CCSER2: variants seen among roughly 807,000 people sequenced by gnomAD.
CCSER2 encodes coiled-coil serine rich protein 2.
CCSER2 carries 46 observed loss-of-function variants against 92.3 expected under a neutral mutation model. That is an observed-to-expected ratio of 0.50 (90% CI 0.39 to 0.64). CCSER2 has a LOEUF of 0.64. Among genes scored for constraint, CCSER2 ranks in the 30% least tolerant of loss-of-function variants. CCSER2 has a pLI of 0.00. For synonymous variants in CCSER2, 433 were observed against 431.4 expected (o/e 1.00, Z -0.04); for missense variants, 1,244 against 1,238.9 (o/e 1.00, Z -0.06).
At chr10:84,496,618 C>T (rs1217157246) in intron 9 of CCSER2, among the ~76,000 whole-genome samples, 1 of 152,170 alleles carries the variant, frequency 6.6e-6, no homozygotes, top group Non-Finnish European at 1.5e-5. Flanking sequence ...GGAATGGGGG[C>T]TGGGGCCACA....
chr10:84,377,944 TCTA>T (rs544970283), intron 3 of CCSER2, among the ~76,000 whole-genome samples: 7 of 152,224 alleles, frequency 4.6e-5, no homozygotes, highest in South Asian at 2.1e-4. Context: ...TGTAAATTCA[TCTA>T]CTAGTTATAA....
rs903229191 is a variant in CCSER2 at position 84,516,893 on chromosome 10, C to A, written c.*2626C>A. 2.0e-5 allele frequency: 3 copies of A among 152,120 alleles called. No homozygotes were observed. The highest frequency in any genetic ancestry group is 7.2e-5 in the African/African-American group (3 of 41,426). The allele number at this position is 152,120 out of a possible 1,614,324, so 9.4% of individuals were successfully genotyped here. On this transcript the variant is annotated 3_prime_UTR_variant, in exon 10 of 10. Coordinates refer to ENST00000372088, the MANE Select transcript of CCSER2 (RefSeq NM_001284240.2). Reference sequence around the variant, plus strand: ...AAAGAAAACAAATCTAGGATGCTTGCATGACATAAAGTATTTGCCTGCAGT... The same window carrying A: ...AAAGAAAACAAATCTAGGATGCTTGAATGACATAAAGTATTTGCCTGCAGT...
At chr10:84,476,728 C>T (rs796272031) in intron 8 of CCSER2, among the ~76,000 whole-genome samples, 6 of 152,212 alleles carry the variant, frequency 3.9e-5, no homozygotes, top group African/African-American at 1.4e-4. Flanking sequence ...CAGGCGTGAG[C>T]CACCGTGCCT....
rs188056860 is a variant in CCSER2 at position 84,517,636 on chromosome 10, T to G, written c.*3369T>G. 6.5e-6 allele frequency: 1 copy of G among 152,752 alleles called. No homozygotes were observed. The highest frequency in any genetic ancestry group is 2.1e-4 in the South Asian group (1 of 4,824). 9.5% of individuals were successfully genotyped at this position (152,752 alleles called of 1,614,324 possible). ...TTGTAATTGTTGCTGTTTGAAGATA[T>G]CAGTACAGCTGTTCACAGAAATATA... is the stretch of plus-strand genomic sequence containing the variant. On this transcript the variant is annotated 3_prime_UTR_variant, in exon 10 of 10. Transcript: ENST00000372088.
chr10:84,416,533 G>A (rs1243586731), intron 3 of CCSER2, among the ~76,000 whole-genome samples: 2 of 152,056 alleles, frequency 1.3e-5, no homozygotes, highest in Non-Finnish European at 2.9e-5. Context: ...TCTTTGGAGG[G>A]CCCAACACAA....
chr10:84,411,022 T>C (rs549766406), intron 3 of CCSER2, among the ~76,000 whole-genome samples: 4 of 152,214 alleles, frequency 2.6e-5, no homozygotes, highest in Non-Finnish European at 4.4e-5. Flanking sequence ...AAATAGGGTG[T>C]CCTTTCTCTG....
chr10:84,395,924 G>A (rs1163247466), intron 3 of CCSER2, among the ~76,000 whole-genome samples: 2 of 152,140 alleles, frequency 1.3e-5, no homozygotes, highest in East Asian at 1.9e-4. Context: ...AGGTGTGTTC[G>A]TTGCTACTGA....
At chr10:84,498,706 T>C (rs1848576073) in intron 9 of CCSER2, among the ~76,000 whole-genome samples, 1 of 152,238 alleles carries the variant, frequency 6.6e-6, no homozygotes, top group Non-Finnish European at 1.5e-5. Context: ...ATAATTTCTT[T>C]TGCAGATTTA....
intron 3 of CCSER2, among the ~76,000 whole-genome samples, chr10:84,394,791 T>C (rs1384125544): frequency 1.3e-5 from 2 of 152,206 alleles, no homozygotes; most frequent in Non-Finnish European, 2.9e-5. Flanking sequence ...ACCCCACCTA[T>C]GTATGAGACC....
chr10:84,367,532 A>G (rs1318817973), intron 1 of CCSER2, among the ~76,000 whole-genome samples: 1 of 151,916 alleles, frequency 6.6e-6, no homozygotes, highest in African/African-American at 2.4e-5. Flanking sequence ...GTGTGCCACC[A>G]TGCCTGGCTA....
At chr10:84,458,657 C>G (rs1181833038) in intron 6 of CCSER2, among the ~76,000 whole-genome samples, 1 of 152,106 alleles carries the variant, frequency 6.6e-6, no homozygotes, top group African/African-American at 2.4e-5. Flanking sequence ...TCTTTCCATT[C>G]ATGAACAGAG....
At chr10:84,455,551 C>T in intron 6 of CCSER2, 1 of 394,824 alleles carries the variant, frequency 2.5e-6, no homozygotes, top group Non-Finnish European at 4.8e-6. Context: ...GCTGGGATTA[C>T]AGGCGTGAGC....
At chr10:84,457,342 TTATA>T (rs1845771542) in intron 6 of CCSER2, among the ~76,000 whole-genome samples, 1 of 36,530 alleles carries the variant, frequency 2.7e-5, no homozygotes, top group African/African-American at 6.7e-5. Flanking sequence ...ATATTATATA[TTATA>T]TATAATATAT....
At chr10:84,435,165 A>G (rs1844031431) in intron 5 of CCSER2, among the ~76,000 whole-genome samples, 1 of 152,192 alleles carries the variant, frequency 6.6e-6, no homozygotes, top group Non-Finnish European at 1.5e-5. Context: ...GCAGTAGAGA[A>G]CATTGAGAGT....
intron 7 of CCSER2, among the ~76,000 whole-genome samples, chr10:84,467,356 C>T (rs1430159667): frequency 6.6e-6 from 1 of 152,102 alleles, no homozygotes; most frequent in Non-Finnish European, 1.5e-5. Flanking sequence ...TGTAAAACTC[C>T]TTTCTTTCAT....
chr10:84,478,266 A>G (rs967024675), intron 9 of CCSER2, among the ~76,000 whole-genome samples: 2 of 152,176 alleles, frequency 1.3e-5, no homozygotes, highest in African/African-American at 4.8e-5. Flanking sequence ...ATACTCTATC[A>G]TTTAATCTGA....
intron 6 of CCSER2, among the ~76,000 whole-genome samples, chr10:84,457,075 A>T (rs1023345492): frequency 3.3e-5 from 5 of 149,642 alleles, no homozygotes; most frequent in African/African-American, 1.2e-4. Flanking sequence ...GCACCTTCAC[A>T]TTCTCATTAT....
At chr10:84,348,819 T>C (rs1844700026) in intron 1 of CCSER2, among the ~76,000 whole-genome samples, 1 of 152,216 alleles carries the variant, frequency 6.6e-6, no homozygotes. Context: ...AAATACTCTT[T>C]ATCCAGATTT....
chr10:84,363,446 A>C (rs1845616495), intron 1 of CCSER2, among the ~76,000 whole-genome samples: 1 of 152,200 alleles, frequency 6.6e-6, no homozygotes, highest in African/African-American at 2.4e-5. Context: ...TCTGAACTTG[A>C]AAGCAGATTT....
Sources: gnomAD v4.1 joint callset for allele counts (sites outside exome capture counted in the v4.1 genomes callset) on GRCh38, gnomAD v4.1.1 for gene constraint, MANE v1.5 for transcripts, NCBI Gene and HGNC (gene_info 2026-07-23, HGNC 2026-07-21) for gene names.